LTBP2: variants seen among roughly 807,000 people sequenced by gnomAD.
LTBP2 encodes latent-transforming growth factor beta-binding protein 2.
LTBP2 carries 103 observed loss-of-function variants against 210.6 expected under a neutral mutation model. That is an observed-to-expected ratio of 0.49 (90% CI 0.42 to 0.58). The LOEUF is 0.58. Among genes scored for constraint, LTBP2 ranks in the 20% least tolerant of loss-of-function variants. LTBP2 has a pLI of 0.00. For synonymous variants in LTBP2, 1,007 were observed against 1,015.0 expected (o/e 0.99, Z 0.15); for missense variants, 2,313 against 2,494.5 (o/e 0.93, Z 1.55).
intron 26 of LTBP2, 103 bp from the exon 27 acceptor site, chr14:74,506,926 C>T (rs1185345736): frequency 6.4e-6 from 10 of 1,568,420 alleles, no homozygotes; most frequent in Admixed American, 5.6e-5. Context: ...CACACTCTCT[C>T]GTTCTCTGCT....
At chr14:74,519,014 C>G (rs760573102) in intron 17 of LTBP2, among the ~76,000 whole-genome samples, 1 of 152,022 alleles carries the variant, frequency 6.6e-6, no homozygotes, top group African/African-American at 2.4e-5. Context: ...AAAATGGAGA[C>G]GTGAATAGAG....
intron 8 of LTBP2, among the ~76,000 whole-genome samples, chr14:74,548,246 G>C: frequency 6.6e-6 from 1 of 151,350 alleles, no homozygotes; most frequent in East Asian, 1.9e-4. Flanking sequence ...GGAAGGGCAG[G>C]TTTTTCTAAT....
At position 74,555,610 on chromosome 14, in the gene LTBP2, G is replaced by A. The variant is rs377240360; in HGVS notation, c.914C>T (p.Thr305Met). The change falls in exon 4 of 36, where the codon ACG (threonine) becomes ATG (methionine). Residue 305 changes from threonine (T) to methionine (M), a missense_variant. Physicochemically the swap from Thr to Met is moderately conservative, Grantham distance 81. This residue lies in a region of LTBP2 where 1,867 missense variants were observed against 1,976.9 expected (regional missense o/e 0.94). Transcript: ENST00000261978. ...SRTVRLHPTA[T>M]ASSQLSSNAL... is the part of the protein sequence containing the mutation. ...GTTGGAAGAGAGCTGGCTACTGGCCGTGGCAGTCGGGTGAAGTCGGACAGT... is the reference window on the plus strand; with the variant it reads ...GTTGGAAGAGAGCTGGCTACTGGCCATGGCAGTCGGGTGAAGTCGGACAGT... 3.4e-5 allele frequency: 54 copies of A among 1,610,168 alleles called. No individual in the cohort carries two copies. In the Admixed American group the frequency reaches 6.9e-4, roughly 20 times the overall value.
rs1456344120 is a variant in LTBP2, at chr14:74,585,484, C to T, written c.830+370G>A. On this transcript the variant is annotated intron_variant, in intron 3 of 35. Coordinates refer to ENST00000261978, the MANE Select transcript of LTBP2 (RefSeq NM_000428.3). ...TGTCCCACCTTACTGATGCAGAATCCGAGGCACAGAGAGGTAAGTGACTCG... is the reference window on the plus strand; with the variant it reads ...TGTCCCACCTTACTGATGCAGAATCTGAGGCACAGAGAGGTAAGTGACTCG... Among the ~76,000 whole-genome samples the T allele has an allele frequency of 2.6e-5, 4 of 152,316 alleles. No homozygotes were observed. In the South Asian group the frequency reaches 6.2e-4, roughly 24 times the overall value.
rs747616154 is a variant in LTBP2 at position 74,555,708 on chromosome 14, G to A, written c.831-15C>T. On this transcript the variant is annotated splice_polypyrimidine_tract_variant and intron_variant, in intron 3 of 35. Coordinates refer to ENST00000261978, the MANE Select transcript of LTBP2 (RefSeq NM_000428.3). Reference sequence around the variant, plus strand: ...CACTCAGGGTCCTGTGGAGACAACCGCGGCACGGGGGTTTGCACCCTGGGA... The same window carrying A: ...CACTCAGGGTCCTGTGGAGACAACCACGGCACGGGGGTTTGCACCCTGGGA... 1.1e-5 allele frequency: 17 copies of A among 1,497,576 alleles called. No individual in the cohort carries two copies. The highest frequency in any genetic ancestry group is 2.3e-4 in the Middle Eastern group (1 of 4,292). The allele number at this position is 1,497,576 out of a possible 1,614,324, so 92.8% of individuals were successfully genotyped here. A position where few individuals can be genotyped will look rare whatever the true frequency, so the allele number is the denominator to read the frequency against.
At chr14:74,572,300 TGTGTGTCTGTGTGTGTGTGTGTGA>T (rs1396477218) in intron 3 of LTBP2, among the ~76,000 whole-genome samples, 1 of 147,558 alleles carries the variant, frequency 6.8e-6, no homozygotes, top group Non-Finnish European at 1.5e-5. Flanking sequence ...TGTGTGTGTG[TGTGTGTCTGTGTGTGTGTGTGTGA>T]GAGAGAGAGA....
intron 8 of LTBP2, among the ~76,000 whole-genome samples, chr14:74,536,909 TTTG>T (rs1362824557): frequency 7.9e-5 from 12 of 152,194 alleles, no homozygotes; most frequent in Admixed American, 7.9e-4. Flanking sequence ...CAATTAAAAT[TTTG>T]TTAATACTAA....
At chr14:74,501,819 G>A (rs1259786477) in intron 34 of LTBP2, 1 of 582,344 alleles carries the variant, frequency 1.7e-6, no homozygotes, top group African/African-American at 1.9e-5. Flanking sequence ...GGCTTCAAAT[G>A]AGGGCTCCAG....
chr14:74,595,328 G>A (rs79207695), intron 2 of LTBP2, among the ~76,000 whole-genome samples: 104 of 152,328 alleles, frequency 6.8e-4, no homozygotes, highest in African/African-American at 2.3e-3. Context: ...GCTCCAGCAG[G>A]CATGAGGAGG....
chr14:74,522,650 G>T (rs2087221235), intron 16 of LTBP2, 140 bp downstream of exon 16: 2 of 1,014,482 alleles, frequency 2.0e-6, no homozygotes, highest in South Asian at 1.7e-5. Context: ...AGTCCACAGG[G>T]ACTGTGCTCC....
intron 7 of LTBP2, among the ~76,000 whole-genome samples, chr14:74,550,532 A>G (rs185485511): frequency 1.3e-5 from 2 of 152,250 alleles, no homozygotes; most frequent in African/African-American, 4.8e-5. Context: ...TCTAACCCCT[A>G]TTCTTGGGTG....
intron 15 of LTBP2, among the ~76,000 whole-genome samples, chr14:74,524,599 G>A (rs972019338): frequency 1.3e-5 from 2 of 152,106 alleles, no homozygotes; most frequent in Non-Finnish European, 2.9e-5. Context: ...TGCCAGGATC[G>A]CCCCCACACC....
At chr14:74,599,304 C>T (rs1022272963) in intron 2 of LTBP2, among the ~76,000 whole-genome samples, 3 of 152,216 alleles carry the variant, frequency 2.0e-5, no homozygotes, top group African/African-American at 4.8e-5. Context: ...GCCCCCTCCT[C>T]GACAGCTGCA....
In LTBP2 at chr14:74,526,360, A is replaced by G. The variant is rs699373; in HGVS notation, c.2389-246T>C. The stretch of plus-strand genomic sequence containing the variant: ...GGTTGAAATGATTAAATGAGCTGAT[A>G]TACATACTATGCCAGCTCAGTGTTG... On this transcript the variant is annotated intron_variant, in intron 13 of 35. Transcript: ENST00000261978. 0.97 allele frequency among the ~76,000 whole-genome samples: 147,452 copies of G among 152,362 alleles called. 71,425 individuals carry two copies. Among genetic ancestry groups the G allele is most frequent in the Middle Eastern group, 1 (294 of 294 alleles).
intron 8 of LTBP2, among the ~76,000 whole-genome samples, chr14:74,546,064 A>G (rs1265085672): frequency 6.6e-6 from 1 of 152,216 alleles, no homozygotes; most frequent in African/African-American, 2.4e-5. Flanking sequence ...ACAGAGCCTC[A>G]AAGCCAGAAT....
At chr14:74,552,533 G>C in intron 5 of LTBP2, 140 bp from the exon 6 acceptor site, 1 of 780,760 alleles carries the variant, frequency 1.3e-6, no homozygotes, top group Non-Finnish European at 2.2e-6. Context: ...TGAAATGTAG[G>C]GACTTTCCAC....
At chr14:74,523,938 TC>T (rs754018991) in intron 15 of LTBP2, among the ~76,000 whole-genome samples, 3 of 152,064 alleles carry the variant, frequency 2.0e-5, no homozygotes, top group Non-Finnish European at 4.4e-5. Flanking sequence ...GGCTACCCTC[TC>T]CCCGGGCCTG....
chr14:74,593,765 C>T (rs1308773988), intron 2 of LTBP2, among the ~76,000 whole-genome samples: 1 of 152,088 alleles, frequency 6.6e-6, no homozygotes, highest in Non-Finnish European at 1.5e-5. Context: ...CACTGGCCAG[C>T]ACAGCAAAGC....
chr14:74,529,599 T>C (rs2087324976), intron 10 of LTBP2, among the ~76,000 whole-genome samples: 1 of 152,114 alleles, frequency 6.6e-6, no homozygotes, highest in African/African-American at 2.4e-5. Flanking sequence ...GCACCTCCCA[T>C]AGTGCCTGGT....
Sources: gnomAD v4.1 joint callset for allele counts (sites outside exome capture counted in the v4.1 genomes callset) on GRCh38, gnomAD v4.1.1 for gene constraint, gnomAD v4.1.1 regional missense constraint, MANE v1.5 for transcripts, NCBI Gene and HGNC (gene_info 2026-07-23, HGNC 2026-07-21) for gene names.